Variants in TAF1L observed in about 807,000 individuals in gnomAD.
TAF1L encodes the protein TATA-box binding protein associated factor 1 like.
In TAF1L, 30 loss-of-function variants were observed where a neutral mutation model predicts 128.8. The observed-to-expected ratio is 0.23, with a 90% CI of 0.17 to 0.32. The LOEUF is 0.32. Among genes scored for constraint, TAF1L ranks in the 10% least tolerant of loss-of-function variants. The pLI, the probability that TAF1L is intolerant of heterozygous loss-of-function variation, is 1.00. For synonymous variants in TAF1L, 764 were observed against 790.7 expected (o/e 0.97, Z 0.57); for missense variants, 2,099 against 2,253.7 (o/e 0.93, Z 1.39).
In TAF1L at chr9:32,634,844, C is replaced by T; in HGVS notation, c.736G>A (p.Val246Ile). 2.5e-6 allele frequency: 4 copies of T among 1,614,156 alleles called. No individual in the cohort carries two copies. Among genetic ancestry groups the T allele is most frequent in the Non-Finnish European group, 3.4e-6 (4 of 1,180,018 alleles). Reference sequence around the variant, plus strand: ...CGAAATTCTGGAAAAAGTTCGGTGACACTTGGCAACAGCTTGGTGGCATCA... The same window carrying T: ...CGAAATTCTGGAAAAAGTTCGGTGATACTTGGCAACAGCTTGGTGGCATCA... ...QHDATKLLPSVTELFPEFRPG... is the reference protein window; with the variant it reads ...QHDATKLLPSITELFPEFRPG... Residue 246 changes from valine (V) to isoleucine (I), a missense_variant, in exon 1 of 1, where the codon GTC (valine) becomes ATC (isoleucine). Coordinates refer to ENST00000242310, the MANE Select transcript of TAF1L (RefSeq NM_153809.2).
Position 32,635,056 on chromosome 9 carries a change from G to A in TAF1L, c.524C>T (p.Thr175Ile). 2 of 1,614,140 alleles carry A rather than the reference G, an allele frequency of 1.2e-6. No individual in the cohort carries two copies. Among genetic ancestry groups the A allele is most frequent in the Non-Finnish European group, 1.7e-6 (2 of 1,180,028 alleles). Residue 175 changes from threonine (T) to isoleucine (I), a missense_variant, in exon 1 of 1, where the codon ACC becomes ATC. By Grantham distance (89) the Thr-to-Ile change is moderately conservative. Around this residue, in one of 4 missense-constraint regions of TAF1L, gnomAD observed 473 missense variants for 429.6 expected, o/e 1.10. Coordinates refer to ENST00000242310, the MANE Select transcript of TAF1L (RefSeq NM_153809.2). The stretch of plus-strand genomic sequence containing the variant: ...GTCTTCTCCACTTTCAGACACACAG[G>A]TAATAGCATCTTGGTCCTTATCCTT... ...MKKDKDQDAI[T>I]CVSESGEDII...
chr9:32,629,824 A>C lies in TAF1L; in HGVS notation c.*275T>G. 1 of 578,224 alleles carries C rather than the reference A, an allele frequency of 1.7e-6. No homozygotes were observed. The highest frequency in any genetic ancestry group is 3.0e-6 in the Non-Finnish European group (1 of 331,102). The allele number at this position is 578,224 out of a possible 1,614,324, so 35.8% of individuals were successfully genotyped here. A position where few individuals can be genotyped will look rare whatever the true frequency, so the allele number is the denominator to read the frequency against. On this transcript the variant is annotated 3_prime_UTR_variant, in exon 1 of 1. Transcript: ENST00000242310. ...CAGGCGTGCACCACCACACCTGGCT[A>C]ATTTTTGTATTTTTAGTAGAGATGA...
chr9:32,634,440 C>A lies in TAF1L; in HGVS notation c.1140G>T (p.Gly380=). ...DMLGVSEDGS[G]FDYGFKLRKT... ...TTCTCAGTTTGAAGCCATAGTCAAA[C>A]CCACTGCCATCTTCGGAGACACCCA... The change falls in exon 1 of 1, where the codon GGG becomes GGT. Residue 380 remains glycine (G), a synonymous_variant. Transcript: ENST00000242310. 2 of 1,614,206 alleles carry A rather than the reference C, an allele frequency of 1.2e-6. No individual in the cohort carries two copies. The highest frequency in any genetic ancestry group is 8.5e-7 in the Non-Finnish European group (1 of 1,180,042).
rs1347470696 is a variant in TAF1L, at chr9:32,635,242, T to A, written c.338A>T (p.Asn113Ile). The A allele has an allele frequency of 1.2e-6, 2 of 1,614,178 alleles. No individual in the cohort carries two copies. Among genetic ancestry groups the A allele is most frequent in the African/African-American group, 2.7e-5 (2 of 75,042 alleles). Reference protein sequence around the residue: ...TEDAVDYSDINEVAEDESQRH... With the variant: ...TEDAVDYSDIIEVAEDESQRH... ...TTGGCTTTCATCTTCTGCCACCTCA[T>A]TGATGTCTGAATAGTCTACAGCATC... The change falls in exon 1 of 1, where the codon AAT (asparagine) becomes ATT (isoleucine). Residue 113 changes from asparagine to isoleucine, a missense_variant. This residue lies in a region of TAF1L where 473 missense variants were observed against 429.6 expected (regional missense o/e 1.10). Transcript: ENST00000242310.
Position 32,632,300 on chromosome 9 carries a change from T to C in TAF1L, c.3280A>G (p.Lys1094Glu). ...ECQRIFDLQNKVLSSTEVLST... is the reference protein window; with the variant it reads ...ECQRIFDLQNEVLSSTEVLST... ...AAGACCTCAGTTGATGACAGAACCTTGTTCTGTAGGTCAAAGATACGCTGA... is the reference window on the plus strand; with the variant it reads ...AAGACCTCAGTTGATGACAGAACCTCGTTCTGTAGGTCAAAGATACGCTGA... Residue 1094 changes from lysine to glutamate, a missense_variant, in exon 1 of 1, where the codon AAG (lysine) becomes GAG (glutamate). Coordinates refer to ENST00000242310, the MANE Select transcript of TAF1L (RefSeq NM_153809.2). This position sits in a 1 kb window ranked among gnomAD's most constrained non-coding sequence, Gnocchi z 4.4. 6.2e-7 allele frequency: 1 copy of C among 1,614,218 alleles called. No homozygotes were observed. The highest frequency in any genetic ancestry group is 1.1e-5 in the South Asian group (1 of 91,082).
rs765455049 is a variant in TAF1L at position 32,634,219 on chromosome 9, C to A, written c.1361G>T (p.Gly454Val). The change falls in exon 1 of 1, where the codon GGC (glycine) becomes GTC (valine). Residue 454 changes from glycine (G) to valine (V), a missense_variant. Physicochemically the swap from Gly to Val is moderately radical, Grantham distance 109. Coordinates refer to ENST00000242310, the MANE Select transcript of TAF1L (RefSeq NM_153809.2). Reference sequence around the variant, plus strand: ...CCTAGTCTTAATAGAAGGAAGCCAGCCTGCCAGGCTTGCACCCTGAGGTTT... The same window carrying A: ...CCTAGTCTTAATAGAAGGAAGCCAGACTGCCAGGCTTGCACCCTGAGGTTT... ...GTKPQGASLA[G>V]WLPSIKTRNV... 3 of 1,614,174 alleles carry A rather than the reference C, an allele frequency of 1.9e-6. No individual in the cohort carries two copies. The highest frequency in any genetic ancestry group is 2.5e-6 in the Non-Finnish European group (3 of 1,180,026).
rs1822504862 is a variant in TAF1L at position 32,630,592 on chromosome 9, G to A, written c.4988C>T (p.Ser1663Phe). Reference sequence around the variant, plus strand: ...GGTATCATACATATCAGGAGGCTGAGATGTGTAGGGCCCTGGGGTCATTGG... The same window carrying A: ...GGTATCATACATATCAGGAGGCTGAAATGTGTAGGGCCCTGGGGTCATTGG... ...LDPMTPGPYT[S>F]QPPDMYDTNT... The change falls in exon 1 of 1, where the codon TCT (serine) becomes TTT (phenylalanine). Residue 1663 changes from serine to phenylalanine, a missense_variant. This residue lies in a region of TAF1L where 404 missense variants were observed against 406.5 expected (regional missense o/e 0.99). Coordinates refer to ENST00000242310, the MANE Select transcript of TAF1L (RefSeq NM_153809.2). The A allele has an allele frequency of 2.5e-6, 4 of 1,614,216 alleles. No individual in the cohort carries two copies. The East Asian group carries it at 8.9e-5, about 36-fold the overall frequency.
chr9:32,635,032 T>A lies in TAF1L; in HGVS notation c.548A>T (p.Asp183Val), dbSNP rs1234387926. 6.2e-7 allele frequency: 1 copy of A among 1,614,024 alleles called. No homozygotes were observed. Among genetic ancestry groups the A allele is most frequent in the African/African-American group, 1.3e-5 (1 of 74,896 alleles). ...AITCVSESGEDIILPSIIAPS... is the reference protein window; with the variant it reads ...AITCVSESGEVIILPSIIAPS... ...GGCAATGATGGAGGGCAAGATGATG[T>A]CTTCTCCACTTTCAGACACACAGGT... is the stretch of plus-strand genomic sequence containing the variant. The change falls in exon 1 of 1, where the codon GAC (aspartate) becomes GTC (valine). Residue 183 changes from aspartate (D) to valine (V), a missense_variant. By Grantham distance (152) the Asp-to-Val change is radical (BLOSUM62 -3). Around this residue, in one of 4 missense-constraint regions of TAF1L, gnomAD observed 473 missense variants for 429.6 expected, o/e 1.10. Coordinates refer to ENST00000242310, the MANE Select transcript of TAF1L (RefSeq NM_153809.2).
rs1822534312 is a variant in TAF1L at position 32,632,766 on chromosome 9, G to A, written c.2814C>T (p.Phe938=). ...FAPEEENEED[F]QMKIDDEVHA... is the part of the protein sequence containing the mutation. ...GAACTTCATCATCAATCTTCATCTG[G>A]AAATCTTCCTCATTTTCTTCTTCTG... The change falls in exon 1 of 1, where the codon TTC becomes TTT. Residue 938 remains phenylalanine, a synonymous_variant. Transcript: ENST00000242310. This position sits in a 1 kb window ranked among gnomAD's most constrained non-coding sequence, Gnocchi z 4.4. 6.2e-7 allele frequency: 1 copy of A among 1,614,036 alleles called. No individual in the cohort carries two copies. The highest frequency in any genetic ancestry group is 1.7e-5 in the Admixed American group (1 of 59,996).
Position 32,632,779 on chromosome 9 carries a change from T to C in TAF1L, c.2801A>G (p.Asn934Ser), listed in dbSNP as rs750836195. Reference sequence around the variant, plus strand: ...AATCTTCATCTGGAAATCTTCCTCATTTTCTTCTTCTGGGGCAAAAAAGGA... The same window carrying C: ...AATCTTCATCTGGAAATCTTCCTCACTTTCTTCTTCTGGGGCAAAAAAGGA... ...EKSFFAPEEE[N>S]EEDFQMKIDD... is the part of the protein sequence containing the mutation. The change falls in exon 1 of 1, where the codon AAT (asparagine) becomes AGT (serine). Residue 934 changes from asparagine to serine, a missense_variant. By Grantham distance (46) the Asn-to-Ser change is conservative (BLOSUM62 1). Around this residue, in one of 4 missense-constraint regions of TAF1L, gnomAD observed 1,213 missense variants for 1,391.4 expected, o/e 0.87. Transcript: ENST00000242310. This position sits in a 1 kb window ranked among gnomAD's most constrained non-coding sequence, Gnocchi z 4.4. The C allele has an allele frequency of 1.9e-6, 3 of 1,614,226 alleles. No individual in the cohort carries two copies. The highest frequency in any genetic ancestry group is 2.2e-5 in the South Asian group (2 of 91,084).
In TAF1L at chr9:32,632,040, A is replaced by G. The variant is rs1395376746; in HGVS notation, c.3540T>C (p.Thr1180=). The G allele has an allele frequency of 1.8e-5, 29 of 1,614,068 alleles. No homozygotes were observed. Among genetic ancestry groups the G allele is most frequent in the Non-Finnish European group, 2.4e-5 (28 of 1,180,056 alleles). Residue 1180 remains threonine, a synonymous_variant, in exon 1 of 1, where the codon ACT becomes ACC. Transcript: ENST00000242310. The surrounding 1 kb of genome is among the most constrained non-coding windows in gnomAD (Gnocchi z 4.4). ...TGCGATAAATCTTGAGACAGTGTCC[A>G]GTGGCAGAAGACTTAAGGCTAGTCA... The part of the protein sequence containing the change: ...ASMTSLKSSA[T]GHCLKIYRTF...
At position 32,633,445 on chromosome 9, in the gene TAF1L, T is replaced by C. The variant is rs1822542935; in HGVS notation, c.2135A>G (p.Gln712Arg). The C allele has an allele frequency of 6.2e-7, 1 of 1,614,226 alleles. No individual in the cohort carries two copies. The highest frequency in any genetic ancestry group is 8.5e-7 in the Non-Finnish European group (1 of 1,180,040). ...YSEENGPLMM[Q>R]VGMATKIKNY... Reference sequence around the variant, plus strand: ...CTTTATCTTGGTTGCCATGCCAACCTGCATCATTAAGGGTCCATTTTCCTC... The same window carrying C: ...CTTTATCTTGGTTGCCATGCCAACCCGCATCATTAAGGGTCCATTTTCCTC... The change falls in exon 1 of 1, where the codon CAG becomes CGG. Residue 712 changes from glutamine (Q) to arginine (R), a missense_variant. By Grantham distance (43) the Gln-to-Arg change is conservative (BLOSUM62 1). Coordinates refer to ENST00000242310, the MANE Select transcript of TAF1L (RefSeq NM_153809.2).
chr9:32,633,872 C>T lies in TAF1L; in HGVS notation c.1708G>A (p.Glu570Lys). 1 of 1,614,152 alleles carries T rather than the reference C, an allele frequency of 6.2e-7. No individual in the cohort carries two copies. The highest frequency in any genetic ancestry group is 8.5e-7 in the Non-Finnish European group (1 of 1,180,036). ...LLGKTGVIRE[E>K]PQQNMSQPEV... ...GGCTGAGACATGTTCTGCTGTGGTT[C>T]CTCCCTGATGACACCTGTTTTGCCC... The change falls in exon 1 of 1, where the codon GAA (glutamate) becomes AAA (lysine). Residue 570 changes from glutamate to lysine, a missense_variant. Glu to Lys is a moderately conservative substitution (Grantham distance 56). Around this residue, in one of 4 missense-constraint regions of TAF1L, gnomAD observed 1,213 missense variants for 1,391.4 expected, o/e 0.87. Transcript: ENST00000242310.
At position 32,635,314 on chromosome 9, in the gene TAF1L, G is replaced by A. The variant is rs542910116; in HGVS notation, c.266C>T (p.Thr89Ile). Reference sequence around the variant, plus strand: ...TTCATCATTTACCAAGGCACCGCCAGTCCCAGTCAATTCTTCATTTGCCGT... The same window carrying A: ...TTCATCATTTACCAAGGCACCGCCAATCCCAGTCAATTCTTCATTTGCCGT... Reference protein sequence around the residue: ...ELTANEELTGTGGALVNDEGW... With the variant: ...ELTANEELTGIGGALVNDEGW... The change falls in exon 1 of 1, where the codon ACT (threonine) becomes ATT (isoleucine). Residue 89 changes from threonine to isoleucine, a missense_variant. Coordinates refer to ENST00000242310, the MANE Select transcript of TAF1L (RefSeq NM_153809.2). 3.7e-6 allele frequency: 6 copies of A among 1,614,150 alleles called. No individual in the cohort carries two copies. The South Asian group carries it at 6.6e-5, about 18-fold the overall frequency.
Position 32,635,324 on chromosome 9 carries a change from ATTC to A in TAF1L, c.253_255del (p.Glu85del). 2 of 1,614,028 alleles carry A rather than the reference ATTC, an allele frequency of 1.2e-6. No individual in the cohort carries two copies. Among genetic ancestry groups the A allele is most frequent in the Non-Finnish European group, 8.5e-7 (1 of 1,179,980 alleles). ...ACCAAGGCACCGCCAGTCCCAGTCA[ATTC>A]TTCATTTGCCGTGAGTTCAGTGATT... On this transcript the variant is annotated inframe_deletion, in exon 1 of 1. Transcript: ENST00000242310.
Position 32,631,396 on chromosome 9 carries a change from C to T in TAF1L, c.4184G>A (p.Arg1395Gln), listed in dbSNP as rs761842682. Residue 1395 changes from arginine (R) to glutamine (Q), a missense_variant, in exon 1 of 1, where the codon CGA (arginine) becomes CAA (glutamine). This residue lies in a region of TAF1L where 1,213 missense variants were observed against 1,391.4 expected (regional missense o/e 0.87). Transcript: ENST00000242310. The surrounding 1 kb of genome is among the most constrained non-coding windows in gnomAD (Gnocchi z 4.1). ...CGTCACCATAGGGTCTGTGCGGCGTCGGTGGATGGACTTATGAGGTATATT... is the reference window on the plus strand; with the variant it reads ...CGTCACCATAGGGTCTGTGCGGCGTTGGTGGATGGACTTATGAGGTATATT... ...YLNIPHKSIH[R>Q]RRTDPMVTLS... 35 of 1,614,126 alleles carry T rather than the reference C, an allele frequency of 2.2e-5. No homozygotes were observed. In the East Asian group the frequency reaches 2.2e-4, roughly 10 times the overall value.
chr9:32,632,095 T>C lies in TAF1L; in HGVS notation c.3485A>G (p.Asn1162Ser), dbSNP rs1822525519. Reference protein sequence around the residue: ...LLVAGSAASGNNHRDDVTASM... With the variant: ...LLVAGSAASGSNHRDDVTASM... ...AGCTGTGACATCATCTCTGTGATTG[T>C]TTCCTGATGCTGCTGAGCCTGCTAC... Residue 1162 changes from asparagine (N) to serine (S), a missense_variant, in exon 1 of 1, where the codon AAC (asparagine) becomes AGC (serine). By Grantham distance (46) the Asn-to-Ser change is conservative. Around this residue, in one of 4 missense-constraint regions of TAF1L, gnomAD observed 1,213 missense variants for 1,391.4 expected, o/e 0.87. Coordinates refer to ENST00000242310, the MANE Select transcript of TAF1L (RefSeq NM_153809.2). This position sits in a 1 kb window ranked among gnomAD's most constrained non-coding sequence, Gnocchi z 4.4. The C allele has an allele frequency of 6.2e-7, 1 of 1,614,034 alleles. No individual in the cohort carries two copies. The highest frequency in any genetic ancestry group is 8.5e-7 in the Non-Finnish European group (1 of 1,180,028).
In TAF1L at chr9:32,630,158, T is replaced by G; in HGVS notation, c.5422A>C (p.Lys1808Gln). The G allele has an allele frequency of 6.2e-7, 1 of 1,614,220 alleles. No homozygotes were observed. Among genetic ancestry groups the G allele is most frequent in the Non-Finnish European group, 8.5e-7 (1 of 1,180,036 alleles). The part of the protein sequence containing the change: ...SDVGYGGIRP[K>Q]QPFMLQHASG... ...GCATGCTGAAGCATGAAGGGTTGTT[T>G]GGGTCTTATTCCACCATATCCCACA... Residue 1808 changes from lysine to glutamine, a missense_variant, in exon 1 of 1, where the codon AAA becomes CAA. Lys to Gln is a moderately conservative substitution (Grantham distance 53). Around this residue, in one of 4 missense-constraint regions of TAF1L, gnomAD observed 404 missense variants for 406.5 expected, o/e 0.99. Coordinates refer to ENST00000242310, the MANE Select transcript of TAF1L (RefSeq NM_153809.2).
In TAF1L at chr9:32,631,628, G is replaced by T. The variant is rs772207029; in HGVS notation, c.3952C>A (p.Gln1318Lys). Residue 1318 changes from glutamine to lysine, a missense_variant, in exon 1 of 1, where the codon CAG (glutamine) becomes AAG (lysine). Around this residue, in one of 4 missense-constraint regions of TAF1L, gnomAD observed 1,213 missense variants for 1,391.4 expected, o/e 0.87. Transcript: ENST00000242310. The surrounding 1 kb of genome is among the most constrained non-coding windows in gnomAD (Gnocchi z 4.1). ...ACTGTCTTTTCCAACTCCTCCTCCT[G>T]CTCTTCTGTCATGGCAACAGGTTTC... ...PSKPVAMTEE[Q>K]EEELEKTVIH... 1 of 1,613,990 alleles carries T rather than the reference G, an allele frequency of 6.2e-7. No homozygotes were observed. The highest frequency in any genetic ancestry group is 8.5e-7 in the Non-Finnish European group (1 of 1,180,018).
Sources: allele counts gnomAD v4.1 joint callset, GRCh38; gene constraint gnomAD v4.1.1; regional missense constraint gnomAD v4.1.1; non-coding constraint Gnocchi (gnomAD v3.1); transcripts MANE v1.5; gene names NCBI Gene and HGNC (gene_info 2026-07-23, HGNC 2026-07-21).